Variants in EPHA10 observed in about 807,000 individuals in gnomAD.
EPHA10 encodes the protein ephrin type-A receptor 10.
Under a neutral mutation model 109.7 loss-of-function variants are expected in EPHA10, and 120 were observed. The ratio of observed to expected loss-of-function variants is 1.09; its 90% CI spans 0.94 to 1.27. The LOEUF (loss-of-function observed/expected upper bound fraction) is 1.27, where lower values mean the gene tolerates loss of function less well. Among genes scored for constraint, EPHA10 ranks in the 50% most tolerant of loss-of-function variants. The probability of loss-of-function intolerance (pLI) is 0.00; values close to 1 mark genes in which losing one functional copy is unlikely to be tolerated. For missense variants in EPHA10, 1,396 were observed against 1,411.1 expected (o/e 0.99, Z 0.17); for synonymous variants, 640 against 618.9 (o/e 1.03, Z -0.51).
intron 5 of EPHA10, among the ~76,000 whole-genome samples, chr1:37,741,925 G>A (rs72917904): frequency 0.07 from 10,674 of 152,184 alleles, 892 homozygotes; most frequent in East Asian, 0.23. Context: ...GCACAAAGGC[G>A]AGAGGAGTGA....
At chr1:37,720,206 C>G in intron 13 of EPHA10, 145 bp downstream of exon 13, 2 of 1,398,058 alleles carry the variant, frequency 1.4e-6, no homozygotes, top group Non-Finnish European at 1.9e-6. Context: ...GAAAAGCTGA[C>G]CTCAAGGTGG....
Position 37,761,389 on chromosome 1 carries a change from C to T in EPHA10, c.850+16G>A. 1 of 1,598,430 alleles carries T rather than the reference C, an allele frequency of 6.3e-7. No individual in the cohort carries two copies. Among genetic ancestry groups the T allele is most frequent in the Non-Finnish European group, 8.5e-7 (1 of 1,179,466 alleles). ...GCTCTACACTCCCACCCCACGGCCC[C>T]CAGCCAACTGGATACCTTCGCAGAA... On this transcript the variant is annotated intron_variant, in intron 3 of 16. Transcript: ENST00000373048.
At chr1:37,727,323 T>A in intron 7 of EPHA10, 113 bp from the exon 8 acceptor site, 1 of 786,522 alleles carries the variant, frequency 1.3e-6, no homozygotes, top group Non-Finnish European at 1.9e-6. Flanking sequence ...CCTCTGCACT[T>A]GGCACTGCCT....
downstream of EPHA10, chr1:37,715,772 C>G (rs542139693): frequency 4.8e-6 from 2 of 419,274 alleles, no homozygotes; most frequent in South Asian, 3.9e-5. Context: ...CCAGGGCACC[C>G]AGTTCCCCTC....
chr1:37,752,291 T>G (rs563982068), intron 5 of EPHA10, among the ~76,000 whole-genome samples: 1 of 152,232 alleles, frequency 6.6e-6, no homozygotes, highest in South Asian at 2.1e-4. Flanking sequence ...CCATCGCCCC[T>G]ACAGCCTAAC....
rs190745326 is a variant in EPHA10 at position 37,746,689 on chromosome 1, T to C, written c.1357+6187A>G. On this transcript the variant is annotated intron_variant, in intron 5 of 16. Transcript: ENST00000373048. ...TTAATATTCATAATAGTATTATTCA[T>C]AATAGCCAAAATGTGGAAACAGCCC... Among the ~76,000 whole-genome samples, 126 of 152,328 alleles carry C rather than the reference T, an allele frequency of 8.3e-4. No homozygotes were observed. The Middle Eastern group carries it at 0.017, about 21-fold the overall frequency.
rs1645769722 is a variant in EPHA10 at position 37,720,373 on chromosome 1, G to T, written c.2390C>A (p.Ser797Ter). The T allele has an allele frequency of 3.1e-6, 5 of 1,611,106 alleles. No homozygotes were observed. The highest frequency in any genetic ancestry group is 3.4e-6 in the Non-Finnish European group (4 of 1,179,288). ...SGFGRGPRDR[S>*]EAVYTTMSGR... is the part of the protein sequence containing the mutation. The stretch of plus-strand genomic sequence containing the variant: ...CACCATAGTGGTGTAGACAGCCTCT[G>T]ATCGGTCCCGGGGGCCCCGCCCGAA... Residue 797 changes from serine (S) to a stop codon, truncating the protein, a stop_gained, in exon 13 of 17, where the codon TCA becomes TAA. Transcript: ENST00000373048. LOFTEE classifies it high-confidence loss of function.
rs1003887063 is a variant in EPHA10 at position 37,721,529 on chromosome 1, C to G, written c.2146+131G>C. On this transcript the variant is annotated intron_variant, in intron 11 of 16. Transcript: ENST00000373048. The stretch of plus-strand genomic sequence containing the variant: ...GCCTTGAGTCAGTGAAAGCTGAGGT[C>G]CCTGGCTGAAGCTCCCTCCCATAGC... The G allele has an allele frequency of 5.2e-6, 5 of 955,380 alleles. No individual in the cohort carries two copies. The African/African-American group carries it at 6.9e-5, about 13-fold the overall frequency. The allele number at this position is 955,380 out of a possible 1,614,324, so 59.2% of individuals were successfully genotyped here. A position where few individuals can be genotyped will look rare whatever the true frequency, so the allele number is the denominator to read the frequency against.
chr1:37,749,263 G>C (rs1444758298), intron 5 of EPHA10, among the ~76,000 whole-genome samples: 2 of 151,848 alleles, frequency 1.3e-5, no homozygotes, highest in Non-Finnish European at 2.9e-5. Flanking sequence ...ATTGCACAGT[G>C]CCAAATACAG....
intron 15 of EPHA10, 38 bp from the exon 16 acceptor site, chr1:37,718,854 G>C (rs1249600522): frequency 1.3e-6 from 2 of 1,571,366 alleles, no homozygotes; most frequent in Non-Finnish European, 8.6e-7. Context: ...CGACAGCTGG[G>C]ATCTGGGCCC....
chr1:37,753,992 G>T (rs1398587711), intron 4 of EPHA10, among the ~76,000 whole-genome samples: 2 of 152,088 alleles, frequency 1.3e-5, no homozygotes, highest in African/African-American at 4.8e-5. Flanking sequence ...CCTCCGTCTG[G>T]ACTCTCGCAG....
At chr1:37,723,189 T>A (rs1042053013) in intron 9 of EPHA10, 23 bp from the exon 10 acceptor site, 3 of 1,609,234 alleles carry the variant, frequency 1.9e-6, no homozygotes, top group Admixed American at 1.7e-5. Context: ...GAGATGAGCC[T>A]GAGGAATGGG....
chr1:37,727,137 C>T lies in EPHA10; in HGVS notation c.1737G>A (p.Leu579=), dbSNP rs768656032. The T allele has an allele frequency of 5.6e-6, 9 of 1,612,738 alleles. No homozygotes were observed. The highest frequency in any genetic ancestry group is 7.6e-6 in the Non-Finnish European group (9 of 1,179,408). The change falls in exon 8 of 17, where the codon CTG becomes CTA. Residue 579 remains leucine (L), a synonymous_variant. Transcript: ENST00000373048. The part of the protein sequence containing the change: ...TVVTISALLV[L]GSVMSVLAIW... ...TGGCCAGCACACTCATCACGGAGCC[C>T]AGGACGAGGAGGGCCGAGATGGTCA...
intron 5 of EPHA10, among the ~76,000 whole-genome samples, chr1:37,747,624 C>T (rs919124519): frequency 1.7e-4 from 25 of 151,146 alleles, no homozygotes; most frequent in East Asian, 5.8e-4. Context: ...AAAATATAGC[C>T]GGGCATGCTG....
At chr1:37,759,435 A>ACCTTCTCTGGGAAG (rs1553141053) in intron 3 of EPHA10, among the ~76,000 whole-genome samples, 10 of 151,660 alleles carry the variant, frequency 6.6e-5, no homozygotes, top group African/African-American at 2.4e-4. Flanking sequence ...AAACCTTCTC[A>ACCTTCTCTGGGAAG]CCTTCTCTGG....
At chr1:37,720,600 C>CT (rs1211047459) in intron 12 of EPHA10, 46 bp from the exon 13 acceptor site, 1 of 1,576,380 alleles carries the variant, frequency 6.3e-7, no homozygotes, top group African/African-American at 1.4e-5. Context: ...CTTGGATCCC[C>CT]TGGTGTTGTG....
chr1:37,758,056 C>T (rs1319850150), intron 3 of EPHA10, among the ~76,000 whole-genome samples: 1 of 152,230 alleles, frequency 6.6e-6, no homozygotes, highest in Non-Finnish European at 1.5e-5. Context: ...CATCAGTCAT[C>T]TCCCTTCTTG....
rs756274958 is a variant in EPHA10 at position 37,761,835 on chromosome 1, C to T, written c.420G>A (p.Gly140=). Residue 140 remains glycine (G), a synonymous_variant, in exon 3 of 17, where the codon GGG becomes GGA. Transcript: ENST00000373048. ...YLETEADLGR[G]RPRLGGSRPR... is the part of the protein sequence containing the mutation. ...GCCGGCTGCCGCCTAGGCGGGGACG[C>T]CCACGGCCCAGGTCGGCCTCAGTTT... 11 of 1,613,522 alleles carry T rather than the reference C, an allele frequency of 6.8e-6. No individual in the cohort carries two copies. Among genetic ancestry groups the T allele is most frequent in the Non-Finnish European group, 7.6e-6 (9 of 1,179,664 alleles).
At chr1:37,745,731 T>C (rs150802341) in intron 5 of EPHA10, among the ~76,000 whole-genome samples, 1,593 of 152,218 alleles carry the variant, frequency 0.01, 29 homozygotes, top group African/African-American at 0.037. Context: ...GCACCTATAA[T>C]CCCAGCTACT....
Sources: allele counts gnomAD v4.1 joint callset (sites outside exome capture counted in the v4.1 genomes callset), GRCh38; gene constraint gnomAD v4.1.1; transcripts MANE v1.5; gene names NCBI Gene and HGNC (gene_info 2026-07-23, HGNC 2026-07-21).